SVEP1: variants seen among roughly 807,000 people sequenced by gnomAD.
SVEP1 encodes sushi, von Willebrand factor type A, EGF and pentraxin domain containing 1.
Under a neutral mutation model 367.3 loss-of-function variants are expected in SVEP1, and 164 were observed. The ratio of observed to expected loss-of-function variants is 0.45; its 90% CI spans 0.39 to 0.51. The LOEUF (loss-of-function observed/expected upper bound fraction) is 0.51, where lower values mean the gene tolerates loss of function less well. Among genes scored for constraint, SVEP1 ranks in the 20% least tolerant of loss-of-function variants. The pLI is 0.00. For synonymous variants in SVEP1, 1,666 were observed against 1,611.6 expected, an observed-to-expected ratio of 1.03 and a Z score of -0.81; for missense variants, 4,117 against 4,425.3, an observed-to-expected ratio of 0.93 and a Z score of 1.98.
chr9:110,391,944 T>C (rs1286489962), intron 40 of SVEP1, among the ~76,000 whole-genome samples: 1 of 151,902 alleles, frequency 6.6e-6, no homozygotes, highest in Non-Finnish European at 1.5e-5. Flanking sequence ...GCCCTCTTTT[T>C]CTTCCTCACC....
At chr9:110,566,375 AACCTAAG>A (rs1830494518) in intron 1 of SVEP1, among the ~76,000 whole-genome samples, 1 of 150,948 alleles carries the variant, frequency 6.6e-6, no homozygotes, top group Non-Finnish European at 1.5e-5. Flanking sequence ...AATAAATAAT[AACCTAAG>A]TAAGAAAGCT....
At chr9:110,542,258 G>A (rs540783229) in intron 3 of SVEP1, among the ~76,000 whole-genome samples, 4 of 152,000 alleles carry the variant, frequency 2.6e-5, no homozygotes, top group African/African-American at 4.8e-5. Flanking sequence ...GGTTCTTCCC[G>A]GGGTTCTGCT....
rs556583231 is a variant in SVEP1 at position 110,498,497 on chromosome 9, C to G, written c.1681+544G>C. The stretch of plus-strand genomic sequence containing the variant: ...CAGTTCTCCATTGTGAGGAAACTCT[C>G]AGTTTGGTCTTTTAAATTACTAATA... On this transcript the variant is annotated intron_variant, in intron 7 of 47. Transcript: ENST00000374469. 6.6e-5 allele frequency among the ~76,000 whole-genome samples: 10 copies of G among 152,328 alleles called. No homozygotes were observed. In the East Asian group the frequency reaches 1.9e-3, roughly 29 times the overall value.
Position 110,489,792 on chromosome 9 carries a change from C to T in SVEP1, c.1801-13G>A, listed in dbSNP as rs762213341. 6.9e-6 allele frequency: 11 copies of T among 1,594,274 alleles called. No individual in the cohort carries two copies. Among genetic ancestry groups the T allele is most frequent in the Non-Finnish European group, 9.4e-6 (11 of 1,171,144 alleles). ...CGTGGACTGACACCTATTGGAGATA[C>T]ACAAATATTTTGAAAGTTAATGTCA... On this transcript the variant is annotated splice_polypyrimidine_tract_variant and intron_variant, in intron 8 of 47. Coordinates refer to ENST00000374469, the MANE Select transcript of SVEP1 (RefSeq NM_153366.4).
chr9:110,481,578 C>A, intron 11 of SVEP1, 142 bp from the exon 12 acceptor site: 1 of 520,076 alleles, frequency 1.9e-6, no homozygotes, highest in Non-Finnish European at 3.1e-6. Context: ...GTCTTTAGTG[C>A]AGGAGAAGGA....
At chr9:110,396,071 A>G (rs1425660834) in intron 40 of SVEP1, among the ~76,000 whole-genome samples, 5 of 151,926 alleles carry the variant, frequency 3.3e-5, no homozygotes, top group African/African-American at 1.2e-4. Flanking sequence ...CACCACACCT[A>G]TTCCAAAACT....
At chr9:110,383,892 A>C (rs999259721) in intron 43 of SVEP1, among the ~76,000 whole-genome samples, 12 of 151,944 alleles carry the variant, frequency 7.9e-5, no homozygotes, top group African/African-American at 2.7e-4. Flanking sequence ...ACGATCTGTC[A>C]CAGCTGCTGT....
chr9:110,407,121 T>C lies in SVEP1; in HGVS notation c.8479A>G (p.Ile2827Val), dbSNP rs1429735090. 1.2e-6 allele frequency: 2 copies of C among 1,614,034 alleles called. No individual in the cohort carries two copies. The highest frequency in any genetic ancestry group is 1.7e-5 in the Admixed American group (1 of 60,030). Residue 2827 changes from isoleucine to valine, a missense_variant, in exon 38 of 48, where the codon ATT becomes GTT. By Grantham distance (29) the Ile-to-Val change is conservative (BLOSUM62 3). This residue lies in a region of SVEP1 where 1,765 missense variants were observed against 1,781.1 expected (regional missense o/e 0.99). Transcript: ENST00000374469. ...GAACTGCAGTCCACAGGAATGCAAA[T>C]GGGCTCATCCTCATCCCAGTTTTTG... ...DDKNWDEDEP[I>V]CIPVDCSSPP...
intron 42 of SVEP1, among the ~76,000 whole-genome samples, chr9:110,386,535 T>TTCTATGTGAGCTGAA (rs1490406468): frequency 3.9e-5 from 6 of 152,216 alleles, no homozygotes; most frequent in Non-Finnish European, 8.8e-5. Flanking sequence ...CATCAGACAT[T>TTCTATGTGAGCTGAA]TCTATGTGAG....
intron 40 of SVEP1, among the ~76,000 whole-genome samples, chr9:110,399,426 C>T (rs1827822167): frequency 6.6e-6 from 1 of 152,010 alleles, no homozygotes; most frequent in African/African-American, 2.4e-5. Flanking sequence ...CAACATGGCA[C>T]ATGTATACAT....
intron 5 of SVEP1, among the ~76,000 whole-genome samples, chr9:110,511,439 C>G (rs1201805367): frequency 1.9e-5 from 2 of 103,500 alleles, no homozygotes; most frequent in Non-Finnish European, 4.0e-5. Context: ...AGTTAGTTTT[C>G]TAATTTATTA....
At chr9:110,538,728 T>C (rs147260385) in intron 3 of SVEP1, among the ~76,000 whole-genome samples, 1 of 152,190 alleles carries the variant, frequency 6.6e-6, no homozygotes, top group Non-Finnish European at 1.5e-5. Context: ...CATTGAAATA[T>C]AGTCAATCTC....
At position 110,513,103 on chromosome 9, in the gene SVEP1, C is replaced by T. The variant is rs1829749143; in HGVS notation, c.1126G>A (p.Val376Ile). ...YRASGQTCELVHCPALKPPEN... is the reference protein window; with the variant it reads ...YRASGQTCELIHCPALKPPEN... ...GGAGGCTTCAGGGCAGGGCAGTGGA[C>T]AACTAACATTTACAAAAATAAAATT... Residue 376 changes from valine (V) to isoleucine (I), a missense_variant and splice_region_variant, in exon 5 of 48, where the codon GTC (valine) becomes ATC (isoleucine). This residue lies in a region of SVEP1 where 2,174 missense variants were observed against 2,494.3 expected (regional missense o/e 0.87). Transcript: ENST00000374469. 1.3e-6 allele frequency: 2 copies of T among 1,595,712 alleles called. No individual in the cohort carries two copies. The highest frequency in any genetic ancestry group is 2.2e-5 in the East Asian group (1 of 44,558).
intron 37 of SVEP1, 30 bp from the exon 38 acceptor site, chr9:110,408,981 C>A (rs758186644): frequency 7.2e-6 from 11 of 1,529,236 alleles, no homozygotes; most frequent in South Asian, 1.3e-5. Flanking sequence ...CAAGTGAGTG[C>A]GATTTGTATA....
intron 40 of SVEP1, among the ~76,000 whole-genome samples, chr9:110,391,909 G>T (rs1182996842): frequency 1.3e-5 from 2 of 151,898 alleles, no homozygotes; most frequent in African/African-American, 4.8e-5. Context: ...GGACCAAATA[G>T]AACAAAACAT....
At chr9:110,450,305 C>T in intron 23 of SVEP1, 45 bp from the exon 24 acceptor site, 1 of 1,588,272 alleles carries the variant, frequency 6.3e-7, no homozygotes, top group South Asian at 1.1e-5. Context: ...GATTAACTCC[C>T]TGGGAACACT....
chr9:110,520,877 A>C (rs1467261192), intron 3 of SVEP1, among the ~76,000 whole-genome samples: 1 of 152,228 alleles, frequency 6.6e-6, no homozygotes, highest in Admixed American at 6.5e-5. Context: ...AGCTGCATTT[A>C]GGCTGTGCAC....
chr9:110,407,040 C>T lies in SVEP1; in HGVS notation c.8560G>A (p.Glu2854Lys). Reference sequence around the variant, plus strand: ...CCTTCATTGCAAGTGTATTCAATCTCTTTTTGGAATGTGTACTCGTCTCCT... The same window carrying T: ...CCTTCATTGCAAGTGTATTCAATCTTTTTTTGGAATGTGTACTCGTCTCCT... ...VRGDEYTFQKEIEYTCNEGFL... is the reference protein window; with the variant it reads ...VRGDEYTFQKKIEYTCNEGFL... The change falls in exon 38 of 48, where the codon GAG becomes AAG. Residue 2854 changes from glutamate to lysine, a missense_variant. Around this residue, in one of 4 missense-constraint regions of SVEP1, gnomAD observed 1,765 missense variants for 1,781.1 expected, o/e 0.99. Coordinates refer to ENST00000374469, the MANE Select transcript of SVEP1 (RefSeq NM_153366.4). The T allele has an allele frequency of 1.2e-6, 2 of 1,613,962 alleles. No homozygotes were observed. The highest frequency in any genetic ancestry group is 1.7e-6 in the Non-Finnish European group (2 of 1,179,878).
At chr9:110,558,406 TG>T (rs1441961848) in intron 1 of SVEP1, among the ~76,000 whole-genome samples, 2 of 146,898 alleles carry the variant, frequency 1.4e-5, no homozygotes, top group African/African-American at 5.0e-5. Flanking sequence ...CCCAGCTACT[TG>T]GGTGGCTGAG....
Sources: allele counts gnomAD v4.1 joint callset (sites outside exome capture counted in the v4.1 genomes callset), GRCh38; gene constraint gnomAD v4.1.1; regional missense constraint gnomAD v4.1.1; transcripts MANE v1.5; gene names NCBI Gene and HGNC (gene_info 2026-07-23, HGNC 2026-07-21).